The following BLTP1 variants were observed in gnomAD, a reference collection of about 807,000 sequenced individuals.
BLTP1 encodes the protein fragile site-associated protein.
At chr4:122,274,335 T>C in the BLTP1 span, 1 of 1,335,674 alleles carries the variant, frequency 7.5e-7, no homozygotes, top group Non-Finnish European at 1.1e-6. Context: ...TTTTTTCTCA[T>C]ATTTAAGATG....
At chr4:122,158,171 A>G in the BLTP1 span, among the ~76,000 whole-genome samples, 1 of 152,204 alleles carries the variant, frequency 6.6e-6, no homozygotes, top group African/African-American at 2.4e-5. Flanking sequence ...TGGAAGTGAG[A>G]AATTGAATTG....
chr4:122,276,697 T>TACC, the BLTP1 span: 1 of 897,516 alleles, frequency 1.1e-6, no homozygotes, highest in Non-Finnish European at 1.3e-6. Flanking sequence ...TTTCAGAGCC[T>TACC]ACCTTCATGC....
the BLTP1 span, chr4:122,349,438 TTTC>T: frequency 6.4e-7 from 1 of 1,567,822 alleles, no homozygotes; most frequent in African/African-American, 1.4e-5. The surrounding 1 kb of genome is among the most constrained non-coding windows in gnomAD (Gnocchi z 4.5). Flanking sequence ...TTAATTATTG[TTTC>T]TATTTTAGCT....
the BLTP1 span, chr4:122,350,306 C>T: frequency 6.1e-6 from 6 of 984,894 alleles, no homozygotes; most frequent in Non-Finnish European, 7.2e-6. Flanking sequence ...CATCTGCATC[C>T]ATACCCACTC....
At chr4:122,264,252 G>T in the BLTP1 span, 1 of 1,596,144 alleles carries the variant, frequency 6.3e-7, no homozygotes, top group Non-Finnish European at 8.5e-7. Context: ...ACTCCATTAG[G>T]TGTTGCACCC....
chr4:122,176,156 A>G, the BLTP1 span, among the ~76,000 whole-genome samples: 13 of 152,196 alleles, frequency 8.5e-5, no homozygotes, highest in African/African-American at 3.1e-4. Flanking sequence ...ACAAAAAATT[A>G]GCTGGGCGTG....
At chr4:122,242,164 G>A in the BLTP1 span, among the ~76,000 whole-genome samples, 1 of 152,152 alleles carries the variant, frequency 6.6e-6, no homozygotes, top group South Asian at 2.1e-4. Context: ...TTAAAGAGAT[G>A]TCTGTACTCC....
the BLTP1 span, chr4:122,189,127 G>C: frequency 8.8e-6 from 8 of 906,850 alleles, no homozygotes; most frequent in Non-Finnish European, 1.1e-5. Context: ...AAAGTGTCTT[G>C]CTATTAATAA....
At chr4:122,345,880 G>A in the BLTP1 span, 1 of 199,104 alleles carries the variant, frequency 5.0e-6, no homozygotes, top group African/African-American at 2.4e-5. Context: ...TTAAGTATAA[G>A]TTGTATTAGG....
At chr4:122,351,264 A>G in the BLTP1 span, 1 of 912,590 alleles carries the variant, frequency 1.1e-6, no homozygotes, top group South Asian at 5.1e-5. Context: ...TAGAAAACAC[A>G]AGAGAAGCAA....
chr4:122,324,797 A>C, the BLTP1 span, among the ~76,000 whole-genome samples: 1 of 151,972 alleles, frequency 6.6e-6, no homozygotes, highest in Non-Finnish European at 1.5e-5. Flanking sequence ...TATTTACATA[A>C]AACTGTGGTT....
At chr4:122,196,797 T>C in the BLTP1 span, 1 of 1,451,956 alleles carries the variant, frequency 6.9e-7, no homozygotes, top group Non-Finnish European at 9.5e-7. Context: ...ATAGGGTAAT[T>C]ATTATAATAA....
the BLTP1 span, chr4:122,205,913 T>G: frequency 2.0e-6 from 2 of 983,758 alleles, no homozygotes; most frequent in Non-Finnish European, 2.4e-6. Context: ...TGAAAGACAT[T>G]GCTGGGAGTG....
At chr4:122,291,666 A>G in the BLTP1 span, 1 of 906,092 alleles carries the variant, frequency 1.1e-6, no homozygotes, top group Admixed American at 6.2e-5. Context: ...AAGTAAACAG[A>G]ATAGACTATT....
At chr4:122,206,082 A>G in the BLTP1 span, 1 of 978,316 alleles carries the variant, frequency 1.0e-6, no homozygotes, top group South Asian at 4.7e-5. Flanking sequence ...ATATGAACAC[A>G]ATTTTAAAAA....
At chr4:122,321,651 CTTCAT>C in the BLTP1 span, among the ~76,000 whole-genome samples, 2 of 151,486 alleles carry the variant, frequency 1.3e-5, no homozygotes, top group African/African-American at 4.8e-5. Context: ...AAGGTTTTAC[CTTCAT>C]TTCTTCTTTA....
At chr4:122,188,390 A>C in the BLTP1 span, 1 of 214,342 alleles carries the variant, frequency 4.7e-6, no homozygotes, top group Non-Finnish European at 8.0e-6. Flanking sequence ...GTATGTTAGG[A>C]GATACACATT....
the BLTP1 span, chr4:122,223,232 T>G: frequency 1.3e-6 from 1 of 795,440 alleles, no homozygotes; most frequent in Non-Finnish European, 1.5e-6. Context: ...GAATTAGAGT[T>G]AGCCCTTATC....
chr4:122,336,483 G>T, the BLTP1 span: 5 of 769,254 alleles, frequency 6.5e-6, no homozygotes, highest in Admixed American at 3.6e-5. Flanking sequence ...ATTATAAACT[G>T]TAAAAGAACT....
Sources: gnomAD v4.1 joint callset for allele counts (sites outside exome capture counted in the v4.1 genomes callset) on GRCh38, gnomAD v4.1.1 for gene constraint, Gnocchi (gnomAD v3.1) non-coding constraint, MANE v1.5 for transcripts, NCBI Gene and HGNC (gene_info 2026-07-23, HGNC 2026-07-21) for gene names.